Variants in GLB1L observed in about 807,000 individuals in gnomAD.
The protein encoded by GLB1L is galactosidase beta 1 like.
A neutral mutation model predicts 75.7 loss-of-function variants in GLB1L; 58 were observed. That is an observed-to-expected ratio of 0.77 (90% CI 0.62 to 0.95). The LOEUF is 0.95. Among genes scored for constraint, GLB1L ranks in the 40% least tolerant of loss-of-function variants. The pLI, the probability that GLB1L is intolerant of heterozygous loss-of-function variation, is 0.00. For missense variants in GLB1L, 797 were observed against 805.5 expected (o/e 0.99, Z 0.13); for synonymous variants, 296 against 303.0 (o/e 0.98, Z 0.24).
rs5838728 is a variant in GLB1L, at chr2:219,236,760, C to CTTTTTTTTTTTTTTTTTTTTTTT, written c.*311_*312insAAAAAAAAAAAAAAAAAAAAAAA. 1 of 124,162 alleles carries CTTTTTTTTTTTTTTTTTTTTTTT rather than the reference C, an allele frequency of 8.1e-6. No individual in the cohort carries two copies. The allele number at this position is 124,162 out of a possible 1,614,324, so 7.7% of individuals were successfully genotyped here. ...CTCCATGTCCCAGGTCCAAGGGTTACTTTTTTTTTTTTTTTTTTTTTTGAG... is the reference window on the plus strand; with the variant it reads ...CTCCATGTCCCAGGTCCAAGGGTTACTTTTTTTTTTTTTTTTTTTTTTTTTTTTTTTTTTTTTTTTTTTTTGAG... On this transcript the variant is annotated 3_prime_UTR_variant, in exon 17 of 17. Transcript: ENST00000295759.
In GLB1L at chr2:219,238,743, TC is replaced by T; in HGVS notation, c.1098del (p.Ser367AlafsTer4). The T allele has an allele frequency of 6.2e-7, 1 of 1,613,956 alleles. No individual in the cohort carries two copies. The highest frequency in any genetic ancestry group is 8.5e-7 in the Non-Finnish European group (1 of 1,179,958). On this transcript the variant is annotated frameshift_variant, in exon 12 of 17. Transcript: ENST00000295759. LOFTEE classifies it high-confidence loss of function. ...ACAGGTCCAAGCATCATCTTGGGGC[TC>T]GGGGGAGGTAAAGGTCCCAAAGGAA... ...QEVPLGPLPP[P>X]SPKMMLGPVT... is the part of the protein sequence containing the mutation.
intron 5 of GLB1L, among the ~76,000 whole-genome samples, chr2:219,241,465 T>TATATATATATATATATACAC (rs1457421471): frequency 4.6e-4 from 63 of 136,412 alleles, no homozygotes; most frequent in Admixed American, 2.3e-3. Flanking sequence ...TATATATATA[T>TATATATATATATATATACAC]ACATACATAT....
Position 219,238,278 on chromosome 2 carries a change from T to C in GLB1L, c.1313A>G (p.His438Arg). The stretch of plus-strand genomic sequence containing the variant: ...ATCCACCATCACATAGGCACGGTCA[T>C]GGACTCCATTATTTGGCACCCAGAA... ...TPFWVPNNGV[H>R]DRAYVMVDGV... is the part of the protein sequence containing the mutation. Residue 438 changes from histidine (H) to arginine (R), a missense_variant, in exon 14 of 17, where the codon CAT becomes CGT. His to Arg is a conservative substitution (Grantham distance 29). Coordinates refer to ENST00000295759, the MANE Select transcript of GLB1L (RefSeq NM_001286423.2). 6.2e-7 allele frequency: 1 copy of C among 1,612,026 alleles called. No individual in the cohort carries two copies. The highest frequency in any genetic ancestry group is 8.5e-7 in the Non-Finnish European group (1 of 1,178,856).
At position 219,242,929 on chromosome 2, in the gene GLB1L, A is replaced by G. The variant is rs1296526570; in HGVS notation, c.240-11T>C. The G allele has an allele frequency of 6.2e-7, 1 of 1,614,170 alleles. No individual in the cohort carries two copies. Among genetic ancestry groups the G allele is most frequent in the Non-Finnish European group, 8.5e-7 (1 of 1,180,014 alleles). On this transcript the variant is annotated splice_polypyrimidine_tract_variant and intron_variant, in intron 3 of 16. Transcript: ENST00000295759. The stretch of plus-strand genomic sequence containing the variant: ...TTCCAGGGCACATAACTGAGAAAGG[A>G]AGAGGTTAATAGGAACCAAGGTGAA...
In GLB1L at chr2:219,243,131, T is replaced by C. The variant is rs939980560; in HGVS notation, c.239+17A>G. The C allele has an allele frequency of 3.2e-6, 5 of 1,585,048 alleles. No homozygotes were observed. The highest frequency in any genetic ancestry group is 1.8e-5 in the Admixed American group (1 of 55,720). ...AGTAGATCCCATCCCTCCGCGGCTC[T>C]TGCGAGCACTTCTTACAACTGTATG... On this transcript the variant is annotated intron_variant, in intron 3 of 16. Transcript: ENST00000295759.
In GLB1L at chr2:219,237,884, T is replaced by C. The variant is rs772313149; in HGVS notation, c.1415A>G (p.Asp472Gly). 63 of 1,614,050 alleles carry C rather than the reference T, an allele frequency of 3.9e-5. No homozygotes were observed. Among genetic ancestry groups the C allele is most frequent in the East Asian group, 8.9e-5 (4 of 44,898 alleles). Reference sequence around the variant, plus strand: ...CCTCCCCATGTTCTCCACCAAGATATCCAGTTTGGACCCCAGTTTCCCCGT... The same window carrying C: ...CCTCCCCATGTTCTCCACCAAGATACCCAGTTTGGACCCCAGTTTCCCCGT... ...FLTGKLGSKL[D>G]ILVENMGRLS... The change falls in exon 15 of 17, where the codon GAT becomes GGT. Residue 472 changes from aspartate (D) to glycine (G), a missense_variant. Transcript: ENST00000295759.
In GLB1L at chr2:219,239,090, A is replaced by T. The variant is rs1016724480; in HGVS notation, c.1062+2T>A. On this transcript the variant is annotated splice_donor_variant, in intron 11 of 16. Transcript: ENST00000295759. LOFTEE classifies it high-confidence loss of function. ...TTGGAGCTTAATGAAATGGTAGGGT[A>T]CCTTGCTGATGACATCTCGAAGAGC... 6.3e-7 allele frequency: 1 copy of T among 1,579,568 alleles called. No individual in the cohort carries two copies. Among genetic ancestry groups the T allele is most frequent in the Non-Finnish European group, 8.7e-7 (1 of 1,149,340 alleles).
At chr2:219,238,163 G>C in intron 14 of GLB1L, 87 bp downstream of exon 14, 1 of 1,104,672 alleles carries the variant, frequency 9.1e-7, no homozygotes, top group Middle Eastern at 2.1e-4. Flanking sequence ...CAGGCAGGTG[G>C]GAAAGTGTAA....
chr2:219,242,896 CGTG>C lies in GLB1L; in HGVS notation c.259_261del (p.His87del), dbSNP rs1951426350. 3.1e-6 allele frequency: 5 copies of C among 1,614,058 alleles called. No individual in the cohort carries two copies. The highest frequency in any genetic ancestry group is 4.2e-6 in the Non-Finnish European group (5 of 1,180,030). The stretch of plus-strand genomic sequence containing the variant: ...AAGTTATAGACCCCAGGCTGTGGCT[CGTG>C]GTAGTTCCAGGGCACATAACTGAGA... On this transcript the variant is annotated inframe_deletion, in exon 4 of 17. Transcript: ENST00000295759.
At position 219,238,704 on chromosome 2, in the gene GLB1L, C is replaced by T. The variant is rs766463871; in HGVS notation, c.1137+1G>A. The T allele has an allele frequency of 5.0e-6, 8 of 1,613,436 alleles. No individual in the cohort carries two copies. Among genetic ancestry groups the T allele is most frequent in the Middle Eastern group, 1.6e-4 (1 of 6,082 alleles). ...AAGAGAAAAGATGTGGAGGAACTTACCAGGTGCAGAGTCACAGGTCCAAGC... is the reference window on the plus strand; with the variant it reads ...AAGAGAAAAGATGTGGAGGAACTTATCAGGTGCAGAGTCACAGGTCCAAGC... On this transcript the variant is annotated splice_donor_variant, in intron 12 of 16. Transcript: ENST00000295759. LOFTEE classifies it high-confidence loss of function.
At chr2:219,243,108 T>G (rs757184551) in intron 3 of GLB1L, 40 bp downstream of exon 3, 35 of 1,570,036 alleles carry the variant, frequency 2.2e-5, no homozygotes, top group Non-Finnish European at 2.9e-5. Flanking sequence ...GTAGAAAAAG[T>G]AGATCCCATC....
In GLB1L at chr2:219,242,834, C is replaced by T. The variant is rs776155152; in HGVS notation, c.324G>A (p.Glu108=). The change falls in exon 4 of 17, where the codon GAG becomes GAA. Residue 108 remains glutamate (E), a synonymous_variant. Transcript: ENST00000295759. ...TGACCAACAGGTTCGCTAGAGCTGC[C>T]TCATTCAGAAAGGCAATGAGGTCCC... is the stretch of plus-strand genomic sequence containing the variant. The part of the protein sequence containing the change: ...GSRDLIAFLN[E]AALANLLVIL... The T allele has an allele frequency of 3.1e-6, 5 of 1,614,116 alleles. No homozygotes were observed. In the African/African-American group the frequency reaches 4.0e-5, roughly 13 times the overall value.
At chr2:219,237,442 T>C in intron 16 of GLB1L, 70 bp downstream of exon 16, 1 of 1,601,918 alleles carries the variant, frequency 6.2e-7, no homozygotes. Context: ...GAGGATACTT[T>C]CTGCTCCCCT....
chr2:219,238,968 G>T, intron 11 of GLB1L, 124 bp downstream of exon 11: 1 of 851,972 alleles, frequency 1.2e-6, no homozygotes, highest in South Asian at 1.6e-5. Flanking sequence ...TGCCTCAGTG[G>T]GATGCTCAGA....
chr2:219,239,975 T>G lies in GLB1L; in HGVS notation c.666A>C (p.Glu222Asp). 2 of 1,614,110 alleles carry G rather than the reference T, an allele frequency of 1.2e-6. No individual in the cohort carries two copies. Among genetic ancestry groups the G allele is most frequent in the East Asian group, 4.5e-5 (2 of 44,878 alleles). ...KILLFTTDGP[E>D]GLKCGSLRGL... Reference sequence around the variant, plus strand: ...CCCGGAGGGAGCCACACTTGAGTCCTTCAGGCCCATCTGTGGTGAAGAGCA... The same window carrying G: ...CCCGGAGGGAGCCACACTTGAGTCCGTCAGGCCCATCTGTGGTGAAGAGCA... The change falls in exon 7 of 17, where the codon GAA becomes GAC. Residue 222 changes from glutamate to aspartate, a missense_variant. By Grantham distance (45) the Glu-to-Asp change is conservative. Coordinates refer to ENST00000295759, the MANE Select transcript of GLB1L (RefSeq NM_001286423.2).
chr2:219,237,304 G>T lies in GLB1L; in HGVS notation c.1733C>A (p.Thr578Lys). The T allele has an allele frequency of 6.2e-7, 1 of 1,614,072 alleles. No homozygotes were observed. The highest frequency in any genetic ancestry group is 8.5e-7 in the Non-Finnish European group (1 of 1,180,014). The part of the protein sequence containing the change: ...INGFNLGRYW[T>K]KQGPQQTLYV... ...GAGGGTCTGTTGTGGCCCCTGCTTT[G>T]TCCAGTACCGGCCCAAGTTAAACCC... The change falls in exon 17 of 17, where the codon ACA becomes AAA. Residue 578 changes from threonine to lysine, a missense_variant. Physicochemically the swap from Thr to Lys is moderately conservative, Grantham distance 78 (BLOSUM62 -1). Coordinates refer to ENST00000295759, the MANE Select transcript of GLB1L (RefSeq NM_001286423.2).
In GLB1L at chr2:219,241,442, G is replaced by GTATATATATA. The variant is rs1212111892; in HGVS notation, c.451+1062_451+1071dup. ...TGTGTGTGTGTGTGTGTGTGTGTGT[G>GTATATATATA]TATATATATATATATATATATATAC... is the stretch of plus-strand genomic sequence containing the variant. On this transcript the variant is annotated intron_variant, in intron 5 of 16. Transcript: ENST00000295759. Among the ~76,000 whole-genome samples, 42 of 82,884 alleles carry GTATATATATA rather than the reference G, an allele frequency of 5.1e-4. 1 individual carries two copies. The South Asian group carries it at 7.2e-3, about 14-fold the overall frequency. 54.4% of individuals were successfully genotyped at this position (82,884 alleles called of 152,430 possible). A position where few individuals can be genotyped will look rare whatever the true frequency, so the allele number is the denominator to read the frequency against.
chr2:219,238,879 G>T, intron 11 of GLB1L, 100 bp from the exon 12 acceptor site: 1 of 1,055,414 alleles, frequency 9.5e-7, no homozygotes, highest in Non-Finnish European at 1.4e-6. Context: ...CCAGGGAAGG[G>T]CTTCAGGGAT....
chr2:219,243,673 C>G, intron 1 of GLB1L, 30 bp from the exon 2 acceptor site: 1 of 1,205,068 alleles, frequency 8.3e-7, no homozygotes, highest in Middle Eastern at 2.4e-4. Context: ...GAAACCACCT[C>G]AAGTTGCCAG....
Sources: allele counts gnomAD v4.1 joint callset (sites outside exome capture counted in the v4.1 genomes callset), GRCh38; gene constraint gnomAD v4.1.1; transcripts MANE v1.5; gene names NCBI Gene and HGNC (gene_info 2026-07-23, HGNC 2026-07-21).